Variants in DIP2B observed in about 807,000 individuals in gnomAD.
DIP2B encodes the protein DIP2 acetate--CoA ligase B (putative).
A neutral mutation model predicts 198.0 loss-of-function variants in DIP2B; 76 were observed. The ratio of observed to expected loss-of-function variants is 0.38; its 90% CI spans 0.32 to 0.46. The LOEUF is 0.46. DIP2B is among the 20% of genes least tolerant of loss of function. The probability of loss-of-function intolerance (pLI) is 0.99; values close to 1 mark genes in which losing one functional copy is unlikely to be tolerated. For synonymous variants in DIP2B, 701 were observed against 739.1 expected, an observed-to-expected ratio of 0.95 and a Z score of 0.84; for missense variants, 1,559 against 1,978.4, an observed-to-expected ratio of 0.79 and a Z score of 4.02.
intron 3 of DIP2B, among the ~76,000 whole-genome samples, chr12:50,657,618 C>T (rs540005226): frequency 6.6e-6 from 1 of 151,288 alleles, no homozygotes; most frequent in African/African-American, 2.4e-5. Context: ...GTAGTGACAC[C>T]CCATCTTTAC....
rs12309559 is a variant in DIP2B at position 50,554,425 on chromosome 12, A to G, written c.100+49185A>G. ...ATTTTGTTTTCTCTGTAATTGCAAG[A>G]TGTTTTATTTGCTTATTTTCTATGT... On this transcript the variant is annotated intron_variant, in intron 1 of 37. Coordinates refer to ENST00000301180, the MANE Select transcript of DIP2B (RefSeq NM_173602.3). 8.6e-3 allele frequency among the ~76,000 whole-genome samples: 1,301 copies of G among 151,722 alleles called. 11 individuals are homozygous for G. The highest frequency in any genetic ancestry group is 0.031 in the African/African-American group (1,263 of 41,326).
intron 3 of DIP2B, chr12:50,657,197 A>G (rs1938568798): frequency 6.7e-6 from 1 of 148,692 alleles, no homozygotes; most frequent in African/African-American, 2.5e-5. Flanking sequence ...AGCCTGGGCA[A>G]CATAGGGAGA....
At chr12:50,560,421 A>G (rs1958509658) in intron 1 of DIP2B, among the ~76,000 whole-genome samples, 1 of 151,304 alleles carries the variant, frequency 6.6e-6, no homozygotes, top group Non-Finnish European at 1.5e-5. Context: ...CAAAAAACTT[A>G]GCTGGGCGTG....
chr12:50,612,766 CTGA>C (rs1959042766), intron 1 of DIP2B, among the ~76,000 whole-genome samples: 1 of 152,232 alleles, frequency 6.6e-6, no homozygotes, highest in South Asian at 2.1e-4. Context: ...AGAAATTAGG[CTGA>C]TAATACTGCA....
chr12:50,632,345 G>A (rs1169853365), intron 2 of DIP2B, among the ~76,000 whole-genome samples: 3 of 151,160 alleles, frequency 2.0e-5, no homozygotes, highest in Non-Finnish European at 4.4e-5. Flanking sequence ...CAGGCATGGT[G>A]TCGCATGCCT....
At chr12:50,511,114 T>G (rs1483410650) in intron 1 of DIP2B, among the ~76,000 whole-genome samples, 10 of 150,326 alleles carry the variant, frequency 6.7e-5, no homozygotes, top group Admixed American at 5.3e-4. Context: ...CCCAGCTAAT[T>G]TTTTGTGTCT....
intron 4 of DIP2B, among the ~76,000 whole-genome samples, chr12:50,664,731 A>G (rs1938715660): frequency 6.6e-6 from 1 of 151,612 alleles, no homozygotes; most frequent in Admixed American, 6.6e-5. Context: ...TATTTCAACT[A>G]GCTTAAATTT....
At chr12:50,717,569 G>A (rs1309507309) in intron 23 of DIP2B, among the ~76,000 whole-genome samples, 10 of 151,694 alleles carry the variant, frequency 6.6e-5, no homozygotes, top group South Asian at 2.1e-4. Context: ...GGGTTTCACC[G>A]CGTTAGCCGG....
chr12:50,705,384 A>G (rs1161041525), intron 20 of DIP2B, among the ~76,000 whole-genome samples: 3 of 152,160 alleles, frequency 2.0e-5, no homozygotes, highest in African/African-American at 7.2e-5. Flanking sequence ...TCAAAGACCC[A>G]CCTCCTTTTA....
intron 3 of DIP2B, 80 bp downstream of exon 3, chr12:50,640,932 A>T: frequency 6.7e-7 from 1 of 1,497,984 alleles, no homozygotes; most frequent in Non-Finnish European, 8.9e-7. Flanking sequence ...AGCTTCTAAT[A>T]CTTGTCTTTT....
intron 15 of DIP2B, among the ~76,000 whole-genome samples, 192 bp from the exon 16 acceptor site, chr12:50,695,655 GT>G (rs1292758474): frequency 6.6e-6 from 1 of 152,178 alleles, no homozygotes; most frequent in African/African-American, 2.4e-5. Flanking sequence ...ACAAACAATT[GT>G]AGGTCCAGTC....
At chr12:50,742,394 C>CCAAAAAAAA (rs1940261898) in intron 37 of DIP2B, among the ~76,000 whole-genome samples, 1 of 47,494 alleles carries the variant, frequency 2.1e-5, no homozygotes, top group East Asian at 1.0e-3. Context: ...GAGACTGTCT[C>CCAAAAAAAA]AAAAAAAAAA....
At chr12:50,728,839 AAC>A in intron 30 of DIP2B, among the ~76,000 whole-genome samples, 161 bp downstream of exon 30, 1 of 152,304 alleles carries the variant, frequency 6.6e-6, no homozygotes, top group Non-Finnish European at 1.5e-5. Context: ...TTTGTTTAAA[AAC>A]AGTTTTGTCT....
intron 19 of DIP2B, among the ~76,000 whole-genome samples, chr12:50,703,319 A>G (rs897251867): frequency 2.6e-5 from 4 of 152,124 alleles, no homozygotes; most frequent in Non-Finnish European, 5.9e-5. Flanking sequence ...TGGATAGCAC[A>G]TAGTACTAGC....
intron 14 of DIP2B, among the ~76,000 whole-genome samples, chr12:50,694,726 C>T (rs1475539316): frequency 6.8e-6 from 1 of 147,752 alleles, no homozygotes; most frequent in Non-Finnish European, 1.5e-5. Flanking sequence ...GAAATACTTG[C>T]ACAAGTCCAG....
intron 1 of DIP2B, among the ~76,000 whole-genome samples, chr12:50,514,875 C>G (rs1012388250): frequency 6.6e-6 from 1 of 152,122 alleles, no homozygotes; most frequent in Non-Finnish European, 1.5e-5. Context: ...CCAGGCTGAT[C>G]TTGAACTCCT....
chr12:50,530,551 A>G (rs1323256256), intron 1 of DIP2B, among the ~76,000 whole-genome samples: 1 of 152,234 alleles, frequency 6.6e-6, no homozygotes, highest in East Asian at 1.9e-4. Context: ...AAGTGATACT[A>G]TTTACATAGA....
chr12:50,666,206 A>G (rs2139518325), intron 4 of DIP2B, among the ~76,000 whole-genome samples: 1 of 152,348 alleles, frequency 6.6e-6, no homozygotes, highest in African/African-American at 2.4e-5. Context: ...TGATTGTAAA[A>G]TTTAAGGTTT....
chr12:50,744,879 C>T lies in DIP2B; in HGVS notation c.*40C>T, dbSNP rs1170044885. The stretch of plus-strand genomic sequence containing the variant: ...ACTGCAGTGGGCCATTCTGAAGAAT[C>T]ACAAAGACAGAAGACCTCTGGCTAA... On this transcript the variant is annotated 3_prime_UTR_variant, in exon 38 of 38. Coordinates refer to ENST00000301180, the MANE Select transcript of DIP2B (RefSeq NM_173602.3). The T allele has an allele frequency of 3.7e-6, 6 of 1,602,782 alleles. No individual in the cohort carries two copies. Among genetic ancestry groups the T allele is most frequent in the African/African-American group, 2.7e-5 (2 of 74,592 alleles).
Sources: allele counts gnomAD v4.1 joint callset (sites outside exome capture counted in the v4.1 genomes callset), GRCh38; gene constraint gnomAD v4.1.1; transcripts MANE v1.5; gene names NCBI Gene and HGNC (gene_info 2026-07-23, HGNC 2026-07-21).